Variants in INPP4B observed in about 807,000 individuals in gnomAD.
INPP4B encodes inositol polyphosphate 4-phosphatase type II.
A neutral mutation model predicts 122.5 loss-of-function variants in INPP4B; 55 were observed. That is an observed-to-expected ratio of 0.45 (90% CI 0.36 to 0.56). The LOEUF (loss-of-function observed/expected upper bound fraction) is 0.56, where lower values mean the gene tolerates loss of function less well. Ranked by LOEUF, INPP4B falls within the 20% of genes least tolerant of loss-of-function variation. The pLI, the probability that INPP4B is intolerant of heterozygous loss-of-function variation, is 0.00. For synonymous variants in INPP4B, 403 were observed against 388.7 expected, an observed-to-expected ratio of 1.04 and a Z score of -0.43; for missense variants, 1,000 against 1,097.7, an observed-to-expected ratio of 0.91 and a Z score of 1.26.
chr4:142,044,817 A>ATAAGT (rs1315181176), intron 25 of INPP4B, among the ~76,000 whole-genome samples: 1 of 152,178 alleles, frequency 6.6e-6, no homozygotes, highest in Admixed American at 6.6e-5. Context: ...CATACAATAG[A>ATAAGT]TAAGTTTCAC....
At chr4:142,806,294 A>C (rs1176484453) in intron 1 of INPP4B, among the ~76,000 whole-genome samples, 2 of 151,282 alleles carry the variant, frequency 1.3e-5, no homozygotes, top group African/African-American at 2.4e-5. Context: ...AAAAAAAAAA[A>C]AAAAAAAAAA....
chr4:142,784,203 C>T (rs1775363189), intron 1 of INPP4B, among the ~76,000 whole-genome samples: 1 of 151,482 alleles, frequency 6.6e-6, no homozygotes, highest in South Asian at 2.1e-4. Flanking sequence ...TCTCTACTAA[C>T]AGTTCAAAAA....
intron 2 of INPP4B, among the ~76,000 whole-genome samples, chr4:142,655,632 T>G (rs1489539461): frequency 6.6e-6 from 1 of 152,220 alleles, no homozygotes; most frequent in East Asian, 1.9e-4. Flanking sequence ...AAGCATTCTT[T>G]AAAGCTAATG....
intron 14 of INPP4B, among the ~76,000 whole-genome samples, chr4:142,206,480 T>C (rs1842641516): frequency 6.6e-6 from 1 of 151,930 alleles, no homozygotes; most frequent in Admixed American, 6.6e-5. Flanking sequence ...TATAATCACA[T>C]TTAAACTTGC....
At chr4:142,756,079 T>C (rs901031633) in intron 1 of INPP4B, among the ~76,000 whole-genome samples, 1 of 152,036 alleles carries the variant, frequency 6.6e-6, no homozygotes, top group Non-Finnish European at 1.5e-5. Flanking sequence ...TGCTTTATTC[T>C]GGGGTATATG....
intron 7 of INPP4B, among the ~76,000 whole-genome samples, chr4:142,323,914 G>A (rs1217402329): frequency 2.6e-5 from 4 of 152,232 alleles, no homozygotes; most frequent in Non-Finnish European, 2.9e-5. Flanking sequence ...GGCTGGAATT[G>A]TTGGTACAAT....
chr4:142,130,923 C>A (rs1358873737), intron 18 of INPP4B, among the ~76,000 whole-genome samples: 1 of 152,148 alleles, frequency 6.6e-6, no homozygotes, highest in African/African-American at 2.4e-5. Context: ...AGGAAAATAG[C>A]AAAGGAAATG....
intron 17 of INPP4B, among the ~76,000 whole-genome samples, chr4:142,147,114 C>T (rs1411150595): frequency 6.6e-6 from 1 of 152,058 alleles, no homozygotes; most frequent in African/African-American, 2.4e-5. Context: ...TGGTGTTTTC[C>T]CTGCATCACA....
intron 2 of INPP4B, among the ~76,000 whole-genome samples, chr4:142,542,447 T>C (rs1829047073): frequency 1.3e-5 from 2 of 152,310 alleles, no homozygotes; most frequent in South Asian, 4.1e-4. Flanking sequence ...TCTCATTATA[T>C]AAAAACTATT....
intron 1 of INPP4B, among the ~76,000 whole-genome samples, chr4:142,804,823 C>A (rs192214446): frequency 5.3e-5 from 8 of 152,114 alleles, no homozygotes; most frequent in East Asian, 3.9e-4. Flanking sequence ...TGTGCCACCA[C>A]GTCCAGCTAA....
rs552467218 is a variant in INPP4B at position 142,235,391 on chromosome 4, T to C, written c.836+2473A>G. On this transcript the variant is annotated intron_variant, in intron 12 of 25. Coordinates refer to ENST00000262992, the MANE Select transcript of INPP4B (RefSeq NM_001101669.3). ...AATATATTATGTTAATGAATATATG[T>C]TAATGAATTTCAGTGTTTTATGACA... Among the ~76,000 whole-genome samples, 14 of 151,314 alleles carry C rather than the reference T, an allele frequency of 9.3e-5. No homozygotes were observed. In the South Asian group the frequency reaches 2.9e-3, roughly 31 times the overall value.
intron 11 of INPP4B, among the ~76,000 whole-genome samples, chr4:142,244,157 C>T (rs1366006872): frequency 2.6e-5 from 4 of 151,284 alleles, no homozygotes; most frequent in Non-Finnish European, 4.4e-5. Context: ...TGAGAACATG[C>T]GGTGTTTGGT....
At chr4:142,066,221 G>A (rs1763425909) in intron 25 of INPP4B, among the ~76,000 whole-genome samples, 1 of 152,114 alleles carries the variant, frequency 6.6e-6, no homozygotes, top group Admixed American at 6.5e-5. Flanking sequence ...ATTGTTGTAG[G>A]CAAAGTTATA....
chr4:142,626,740 C>G (rs1358643632), intron 2 of INPP4B, among the ~76,000 whole-genome samples: 1 of 152,014 alleles, frequency 6.6e-6, no homozygotes, highest in Non-Finnish European at 1.5e-5. Flanking sequence ...AAGAAACCAA[C>G]ATATTCACTC....
At chr4:142,208,839 A>C in intron 13 of INPP4B, 57 bp downstream of exon 13, 7 of 1,290,428 alleles carry the variant, frequency 5.4e-6, no homozygotes, top group Non-Finnish European at 7.3e-6. Context: ...TTTTTTTTTC[A>C]TTTCACATGC....
At chr4:142,314,116 T>C (rs1766582450) in intron 8 of INPP4B, among the ~76,000 whole-genome samples, 1 of 152,156 alleles carries the variant, frequency 6.6e-6, no homozygotes, top group African/African-American at 2.4e-5. Flanking sequence ...GGATTCAGCC[T>C]GTGGGCTATA....
chr4:142,841,266 T>C (rs1783452540), intron 1 of INPP4B, among the ~76,000 whole-genome samples: 1 of 151,988 alleles, frequency 6.6e-6, no homozygotes, highest in South Asian at 2.1e-4. Context: ...CTAACTTCAA[T>C]TAAAGATCCC....
At chr4:142,301,976 T>C (rs1761618909) in intron 9 of INPP4B, among the ~76,000 whole-genome samples, 2 of 152,220 alleles carry the variant, frequency 1.3e-5, no homozygotes, top group South Asian at 4.1e-4. Context: ...ATTTAACTTT[T>C]ATATTCATCA....
rs146515126 is a variant in INPP4B, at chr4:142,551,010, C to T, written c.-190-88284G>A. ...AAATAACTTGATACAAAATAGGAAG[C>T]GATAACACAAACTAGTAGATATTCT... On this transcript the variant is annotated intron_variant, in intron 2 of 25. Transcript: ENST00000262992. Among the ~76,000 whole-genome samples the T allele has an allele frequency of 7.3e-3, 1,112 of 152,082 alleles. 19 individuals carry two copies. Among genetic ancestry groups the T allele is most frequent in the African/African-American group, 0.025 (1,035 of 41,468 alleles).
Sources: allele counts gnomAD v4.1 joint callset (sites outside exome capture counted in the v4.1 genomes callset), GRCh38; gene constraint gnomAD v4.1.1; transcripts MANE v1.5; gene names NCBI Gene and HGNC (gene_info 2026-07-23, HGNC 2026-07-21).